SLC25A32: variants seen among roughly 807,000 people sequenced by gnomAD.
SLC25A32 encodes Glycine auxotroph B, complementation of hamster.
In SLC25A32, 32 loss-of-function variants were observed where a neutral mutation model predicts 39.0. The ratio of observed to expected loss-of-function variants is 0.82; its 90% CI spans 0.62 to 1.10. The LOEUF is 1.10. SLC25A32 is among the 50% of genes least tolerant of loss of function. The pLI is 0.00. For synonymous variants in SLC25A32, 166 were observed against 152.4 expected (o/e 1.09, Z -0.66); for missense variants, 367 against 395.3 (o/e 0.93, Z 0.61).
chr8:103,405,190 A>C (rs1816303147), intron 2 of SLC25A32, among the ~76,000 whole-genome samples: 1 of 152,218 alleles, frequency 6.6e-6, no homozygotes, highest in African/African-American at 2.4e-5. Context: ...AAAGGGACCA[A>C]AGAAGGGGTA....
At chr8:103,410,475 C>T (rs999646238) in intron 1 of SLC25A32, among the ~76,000 whole-genome samples, 7 of 152,174 alleles carry the variant, frequency 4.6e-5, no homozygotes, top group African/African-American at 1.4e-4. Context: ...ACTGCACATG[C>T]AAGGGATCTA....
At chr8:103,412,526 GATC>G (rs1281202540) in intron 1 of SLC25A32, among the ~76,000 whole-genome samples, 3 of 152,126 alleles carry the variant, frequency 2.0e-5, no homozygotes, top group African/African-American at 7.2e-5. Flanking sequence ...AACCACTTCT[GATC>G]ATCATCAATT....
Position 103,408,092 on chromosome 8 carries a change from C to A in SLC25A32, c.155-308G>T, listed in dbSNP as rs1586115626. On this transcript the variant is annotated intron_variant, in intron 1 of 6. Transcript: ENST00000297578. ...TCCCAGGTTCAAGCAATCCTCCTGC[C>A]TCAGCTCCCCTAGTAGCTGGGATAA... Among the ~76,000 whole-genome samples the A allele has an allele frequency of 1.3e-5, 2 of 151,460 alleles. 1 individual carries two copies. The highest frequency in any genetic ancestry group is 4.1e-4 in the South Asian group (2 of 4,824).
At chr8:103,413,293 G>A (rs1198555672) in intron 1 of SLC25A32, among the ~76,000 whole-genome samples, 1 of 152,194 alleles carries the variant, frequency 6.6e-6, no homozygotes, top group Non-Finnish European at 1.5e-5. Context: ...AAGACAGACA[G>A]CAAGTCATAC....
chr8:103,404,509 C>T (rs886476835), intron 3 of SLC25A32, among the ~76,000 whole-genome samples: 4 of 151,924 alleles, frequency 2.6e-5, no homozygotes, highest in Non-Finnish European at 5.9e-5. Flanking sequence ...GCAGGATTAT[C>T]GCTTGAAACC....
intron 2 of SLC25A32, 136 bp from the exon 3 acceptor site, chr8:103,404,997 A>G: frequency 2.0e-6 from 1 of 508,562 alleles, no homozygotes; most frequent in Non-Finnish European, 3.4e-6. Context: ...ACCTTTTTCA[A>G]GAATGAATTT....
At position 103,403,193 on chromosome 8, in the gene SLC25A32, T is replaced by C. The variant is rs1156857486; in HGVS notation, c.523A>G (p.Lys175Glu). 1 of 1,610,554 alleles carries C rather than the reference T, an allele frequency of 6.2e-7. No homozygotes were observed. Among genetic ancestry groups the C allele is most frequent in the East Asian group, 2.2e-5 (1 of 44,814 alleles). The change falls in exon 4 of 7, where the codon AAG becomes GAG. Residue 175 changes from lysine (K) to glutamate (E), a missense_variant. By Grantham distance (56) the Lys-to-Glu change is moderately conservative. Coordinates refer to ENST00000297578, the MANE Select transcript of SLC25A32 (RefSeq NM_030780.5). ...GMFDTLVKIY[K>E]YEGVRGLYKG... Reference sequence around the variant, plus strand: ...TATAATCCACGCACACCTTCATACTTATATATTTTCACAAGTGTATCAAAC... The same window carrying C: ...TATAATCCACGCACACCTTCATACTCATATATTTTCACAAGTGTATCAAAC...
rs991743279 is a variant in SLC25A32, at chr8:103,403,036, A to C, written c.552+128T>G. On this transcript the variant is annotated intron_variant, in intron 4 of 6. Coordinates refer to ENST00000297578, the MANE Select transcript of SLC25A32 (RefSeq NM_030780.5). The stretch of plus-strand genomic sequence containing the variant: ...TATTATTAACTATATTTCAGTTTTC[A>C]TTAAATTGTTTTTTGCCTAAGTGTG... The C allele has an allele frequency of 1.1e-4, 60 of 566,098 alleles. No homozygotes were observed. The Admixed American group carries it at 1.5e-3, about 14-fold the overall frequency. The allele number at this position is 566,098 out of a possible 1,614,324, so 35.1% of individuals were successfully genotyped here. A position where few individuals can be genotyped will look rare whatever the true frequency, so the allele number is the denominator to read the frequency against.
chr8:103,404,911 C>G (rs778228270), intron 2 of SLC25A32, 50 bp from the exon 3 acceptor site: 1 of 1,348,348 alleles, frequency 7.4e-7, no homozygotes, highest in South Asian at 1.2e-5. Flanking sequence ...GTCATTAAGT[C>G]TGTTTTAAAG....
rs1161919650 is a variant in SLC25A32 at position 103,400,069 on chromosome 8, C to T, written c.*342G>A. 7.7e-6 allele frequency: 2 copies of T among 259,998 alleles called. No individual in the cohort carries two copies. The highest frequency in any genetic ancestry group is 5.4e-5 in the South Asian group (1 of 18,566). 16.1% of individuals were successfully genotyped at this position (259,998 alleles called of 1,614,324 possible). A position where few individuals can be genotyped will look rare whatever the true frequency, so the allele number is the denominator to read the frequency against. Reference sequence around the variant, plus strand: ...TTTTAAAGCAATCCAGGCAAGTAAGCTCACAAAAAGAAGTACATTCATCTA... The same window carrying T: ...TTTTAAAGCAATCCAGGCAAGTAAGTTCACAAAAAGAAGTACATTCATCTA... On this transcript the variant is annotated 3_prime_UTR_variant, in exon 7 of 7. Transcript: ENST00000297578.
At chr8:103,400,620 C>A in intron 6 of SLC25A32, 74 bp from the exon 7 acceptor site, 1 of 1,484,350 alleles carries the variant, frequency 6.7e-7, no homozygotes, top group South Asian at 1.2e-5. Flanking sequence ...CTAACTGACA[C>A]AAGGCATGGA....
chr8:103,400,442 A>G lies in SLC25A32; in HGVS notation c.917T>C (p.Phe306Ser), dbSNP rs1816192369. The G allele has an allele frequency of 6.2e-7, 1 of 1,614,064 alleles. No individual in the cohort carries two copies. Among genetic ancestry groups the G allele is most frequent in the South Asian group, 1.1e-5 (1 of 91,092 alleles). ...TCTCTTTTCTCTAAGGTCAAGTAAAAAATGTGAGACGTTTTCATATACCAC... is the reference window on the plus strand; with the variant it reads ...TCTCTTTTCTCTAAGGTCAAGTAAAGAATGTGAGACGTTTTCATATACCAC... Reference protein sequence around the residue: ...TFVVYENVSHFLLDLREKRK With the variant: ...TFVVYENVSHSLLDLREKRK Residue 306 changes from phenylalanine (F) to serine (S), a missense_variant, in exon 7 of 7, where the codon TTT becomes TCT. By Grantham distance (155) the Phe-to-Ser change is radical. Coordinates refer to ENST00000297578, the MANE Select transcript of SLC25A32 (RefSeq NM_030780.5).
At chr8:103,406,584 G>A (rs905939235) in intron 2 of SLC25A32, among the ~76,000 whole-genome samples, 1 of 152,226 alleles carries the variant, frequency 6.6e-6, no homozygotes, top group African/African-American at 2.4e-5. Context: ...ATTTTAAATG[G>A]TGATGATATC....
At chr8:103,402,959 T>G (rs1164904045) in intron 4 of SLC25A32, among the ~76,000 whole-genome samples, 1 of 152,144 alleles carries the variant, frequency 6.6e-6, no homozygotes, top group Non-Finnish European at 1.5e-5. Context: ...ACCAATGTCA[T>G]GATGATACAT....
In SLC25A32 at chr8:103,404,776, C is replaced by G. The variant is rs770178649; in HGVS notation, c.391G>C (p.Gly131Arg). The change falls in exon 3 of 7, where the codon GGA (glycine) becomes CGA (arginine). Residue 131 changes from glycine to arginine, a missense_variant and splice_region_variant. Physicochemically the swap from Gly to Arg is moderately radical, Grantham distance 125 (BLOSUM62 -2). Transcript: ENST00000297578. ...TEYLVSAAEAGAMTLCITNPL... is the reference protein window; with the variant it reads ...TEYLVSAAEARAMTLCITNPL... The stretch of plus-strand genomic sequence containing the variant: ...TTTTATATTTCACACATTGCCTTAC[C>G]AGCTTCAGCAGCTGAGACAAGGTAT... 6.2e-7 allele frequency: 1 copy of G among 1,607,784 alleles called. No homozygotes were observed. Among genetic ancestry groups the G allele is most frequent in the African/African-American group, 1.3e-5 (1 of 74,716 alleles).
chr8:103,412,120 T>C (rs1371340223), intron 1 of SLC25A32, among the ~76,000 whole-genome samples: 1 of 152,230 alleles, frequency 6.6e-6, no homozygotes, highest in Non-Finnish European at 1.5e-5. Context: ...AGTTAGTACA[T>C]ATAAAGCTCT....
chr8:103,408,663 T>A (rs1371239189), intron 1 of SLC25A32, among the ~76,000 whole-genome samples: 1 of 152,150 alleles, frequency 6.6e-6, no homozygotes, highest in Non-Finnish European at 1.5e-5. Context: ...CTTGAACATA[T>A]CCAAAATTGA....
intron 3 of SLC25A32, 35 bp from the exon 4 acceptor site, chr8:103,403,359 C>G: frequency 7.3e-7 from 1 of 1,361,478 alleles, no homozygotes; most frequent in Non-Finnish European, 9.8e-7. Flanking sequence ...ATTCAGCATA[C>G]AGATACTTTC....
chr8:103,409,034 T>C (rs1037388577), intron 1 of SLC25A32, among the ~76,000 whole-genome samples: 7 of 152,298 alleles, frequency 4.6e-5, no homozygotes, highest in Non-Finnish European at 8.8e-5. Context: ...AGAAAGCACA[T>C]TCAAAATAGG....
Sources: allele counts gnomAD v4.1 joint callset (sites outside exome capture counted in the v4.1 genomes callset), GRCh38; gene constraint gnomAD v4.1.1; transcripts MANE v1.5; gene names NCBI Gene and HGNC (gene_info 2026-07-23, HGNC 2026-07-21).